STEAP1B: variants seen among roughly 807,000 people sequenced by gnomAD.
STEAP1B encodes STEAP family protein MGC87042.
Under a neutral mutation model 27.9 loss-of-function variants are expected in STEAP1B, and 13 were observed. The observed-to-expected ratio is 0.47, with a 90% CI of 0.30 to 0.74. STEAP1B has a LOEUF of 0.74. STEAP1B is among the 30% of genes least tolerant of loss of function. The pLI is 0.06. For missense variants in STEAP1B, 250 were observed against 298.7 expected (o/e 0.84, Z 1.20); for synonymous variants, 86 against 107.1 (o/e 0.80, Z 1.22).
chr7:22,454,175 G>A (rs1483014312), intron 4 of STEAP1B, among the ~76,000 whole-genome samples: 1 of 152,178 alleles, frequency 6.6e-6, no homozygotes, highest in African/African-American at 2.4e-5. Context: ...AAAGAATGCA[G>A]GAAGAACAGA....
rs1364077560 is a variant in STEAP1B at position 22,419,703 on chromosome 7, T to C, written c.*101A>G. The C allele has an allele frequency of 3.7e-6, 5 of 1,347,394 alleles. No individual in the cohort carries two copies. Among genetic ancestry groups the C allele is most frequent in the African/African-American group, 2.9e-5 (2 of 68,156 alleles). The allele number at this position is 1,347,394 out of a possible 1,614,324, so 83.5% of individuals were successfully genotyped here. On this transcript the variant is annotated 3_prime_UTR_variant, in exon 5 of 5. Coordinates refer to ENST00000678116, the MANE Select transcript of STEAP1B (RefSeq NM_001382447.1). ...TCACCTGCAGCATGGCTGTTCATTG[T>C]GGCAGAGGGAAAGGGCACTGGGTGG...
chr7:22,461,019 C>G (rs1195813953), intron 4 of STEAP1B, among the ~76,000 whole-genome samples: 3 of 152,100 alleles, frequency 2.0e-5, no homozygotes, highest in Non-Finnish European at 4.4e-5. Flanking sequence ...ACACAGGAGG[C>G]CCAACATTTG....
chr7:22,431,494 T>C (rs558071428), intron 4 of STEAP1B, among the ~76,000 whole-genome samples: 54 of 152,332 alleles, frequency 3.5e-4, no homozygotes, highest in African/African-American at 1.2e-3. Context: ...AGTATGTTGA[T>C]TGAAGATCAG....
chr7:22,475,697 T>G (rs1785960073), intron 4 of STEAP1B, among the ~76,000 whole-genome samples: 1 of 152,152 alleles, frequency 6.6e-6, no homozygotes, highest in South Asian at 2.1e-4. Context: ...CCTGAAGGTG[T>G]GTTCAGTGCT....
At chr7:22,457,245 T>C (rs1785603281) in intron 4 of STEAP1B, among the ~76,000 whole-genome samples, 1 of 151,908 alleles carries the variant, frequency 6.6e-6, no homozygotes, top group Non-Finnish European at 1.5e-5. Context: ...ACAGAAAAGC[T>C]GTAAAAGGGA....
At chr7:22,444,829 C>T (rs950940358) in intron 4 of STEAP1B, among the ~76,000 whole-genome samples, 4 of 152,146 alleles carry the variant, frequency 2.6e-5, no homozygotes, top group African/African-American at 4.8e-5. Context: ...TGGAGCCTAC[C>T]CATGTGAAAA....
chr7:22,463,624 C>T (rs577191216), intron 4 of STEAP1B, among the ~76,000 whole-genome samples: 36 of 152,282 alleles, frequency 2.4e-4, no homozygotes, highest in Non-Finnish European at 4.6e-4. Flanking sequence ...ATCAATGGAA[C>T]AAAACAGAAC....
At chr7:22,440,479 C>G (rs1785316726) in intron 4 of STEAP1B, among the ~76,000 whole-genome samples, 1 of 151,856 alleles carries the variant, frequency 6.6e-6, no homozygotes, top group Non-Finnish European at 1.5e-5. Context: ...AAATACATAC[C>G]CTGTAAAGTT....
intron 4 of STEAP1B, among the ~76,000 whole-genome samples, chr7:22,475,275 C>T (rs1785951739): frequency 6.6e-6 from 1 of 152,220 alleles, no homozygotes; most frequent in Admixed American, 6.5e-5. Context: ...GCATGGTATA[C>T]AGTCACATCC....
chr7:22,424,325 A>G (rs1240420816), intron 4 of STEAP1B, among the ~76,000 whole-genome samples: 1 of 152,236 alleles, frequency 6.6e-6, no homozygotes, highest in Admixed American at 6.5e-5. Flanking sequence ...AAACATAGTA[A>G]GATCTCAATA....
intron 4 of STEAP1B, among the ~76,000 whole-genome samples, chr7:22,482,507 T>A (rs1263660798): frequency 6.6e-6 from 1 of 151,988 alleles, no homozygotes; most frequent in Non-Finnish European, 1.5e-5. Flanking sequence ...GCTAAGGAGA[T>A]CTCCCAGCCA....
chr7:22,491,568 G>C (rs56278318), intron 4 of STEAP1B, among the ~76,000 whole-genome samples: 88,141 of 152,012 alleles, frequency 0.58, 25,700 homozygotes, highest in Middle Eastern at 0.68. Context: ...AGACTTTGAA[G>C]AGGAAAGAAG....
chr7:22,458,455 C>G (rs1785624215), intron 4 of STEAP1B, among the ~76,000 whole-genome samples: 1 of 151,726 alleles, frequency 6.6e-6, no homozygotes, highest in Non-Finnish European at 1.5e-5. Context: ...CTTGCGAGAT[C>G]CAACACATTT....
At chr7:22,493,899 A>G (rs145105713) in intron 2 of STEAP1B, 63 bp from the exon 3 acceptor site, 3 of 1,494,178 alleles carry the variant, frequency 2.0e-6, no homozygotes, top group South Asian at 1.3e-5. Context: ...CTCTTGAACT[A>G]ATTACTTATT....
rs536787569 is a variant in STEAP1B at position 22,460,151 on chromosome 7, A to C, written c.762+32414T>G. ...ATAGTGAAACCCCGTCTCTACAAAA[A>C]AACGTTTTAAAAAGATTAGCTGGGC... On this transcript the variant is annotated intron_variant, in intron 4 of 4. Coordinates refer to ENST00000678116, the MANE Select transcript of STEAP1B (RefSeq NM_001382447.1). Among the ~76,000 whole-genome samples, 2 of 152,096 alleles carry C rather than the reference A, an allele frequency of 1.3e-5. 1 individual carries two copies. Among genetic ancestry groups the C allele is most frequent in the African/African-American group, 4.8e-5 (2 of 41,496 alleles).
Position 22,459,551 on chromosome 7 carries a change from A to C in STEAP1B, c.762+33014T>G, listed in dbSNP as rs150323821. Among the ~76,000 whole-genome samples the C allele has an allele frequency of 3.3e-4, 51 of 152,368 alleles. No homozygotes were observed. In the East Asian group the frequency reaches 9.6e-3, roughly 29 times the overall value. On this transcript the variant is annotated intron_variant, in intron 4 of 4. Transcript: ENST00000678116. The stretch of plus-strand genomic sequence containing the variant: ...TGAAAATGTCCATTTTAACAAAAAC[A>C]ACAAAATACGGCAAAAGTTACACAT...
chr7:22,469,779 G>A (rs1053623402), intron 4 of STEAP1B, among the ~76,000 whole-genome samples: 2 of 152,124 alleles, frequency 1.3e-5, no homozygotes, highest in African/African-American at 2.4e-5. Flanking sequence ...AACATCTAAC[G>A]ACACATTTCT....
chr7:22,456,318 G>A (rs372374600), intron 4 of STEAP1B, among the ~76,000 whole-genome samples: 1 of 152,128 alleles, frequency 6.6e-6, no homozygotes, highest in African/African-American at 2.4e-5. Flanking sequence ...GGAAGAAATC[G>A]TGCTTAAAAA....
chr7:22,464,357 G>C (rs1785734323), intron 4 of STEAP1B, among the ~76,000 whole-genome samples: 1 of 152,122 alleles, frequency 6.6e-6, no homozygotes, highest in Non-Finnish European at 1.5e-5. Context: ...AGCTGTTCGG[G>C]TTTACTGAGG....
Sources: gnomAD v4.1 joint callset for allele counts (sites outside exome capture counted in the v4.1 genomes callset) on GRCh38, gnomAD v4.1.1 for gene constraint, MANE v1.5 for transcripts, NCBI Gene and HGNC (gene_info 2026-07-23, HGNC 2026-07-21) for gene names.